Variants in ACOT7 observed in about 807,000 individuals in gnomAD.
ACOT7 encodes the protein acyl-CoA thioesterase 7, also known as cytosolic acyl coenzyme A thioester hydrolase.
In ACOT7, 12 loss-of-function variants were observed where a neutral mutation model predicts 40.2. The ratio of observed to expected loss-of-function variants is 0.30; its 90% CI spans 0.19 to 0.48. ACOT7 has a LOEUF of 0.48. ACOT7 is among the 20% of genes least tolerant of loss of function. The pLI, the probability that ACOT7 is intolerant of heterozygous loss-of-function variation, is 0.99. For synonymous variants in ACOT7, 228 were observed against 219.5 expected, an observed-to-expected ratio of 1.04 and a Z score of -0.34; for missense variants, 395 against 530.8, an observed-to-expected ratio of 0.74 and a Z score of 2.51.
Position 6,334,518 on chromosome 1 carries a change from C to T in ACOT7, c.419-950G>A, listed in dbSNP as rs563920955. On this transcript the variant is annotated intron_variant, in intron 3 of 8. Coordinates refer to ENST00000361521, the MANE Select transcript of ACOT7 (RefSeq NM_007274.4). ...GCAGCGGAGCCAGCTCATCAAGCTC[C>T]ATTTTTGCCACCCCAGGAACTTCCT... 3.3e-5 allele frequency among the ~76,000 whole-genome samples: 5 copies of T among 152,400 alleles called. No individual in the cohort carries two copies. The East Asian group carries it at 9.6e-4, about 29-fold the overall frequency.
intron 5 of ACOT7, among the ~76,000 whole-genome samples, chr1:6,323,737 A>ATATATATAT (rs70981381): frequency 1.6e-4 from 6 of 38,406 alleles, no homozygotes; most frequent in Admixed American, 4.8e-4. Flanking sequence ...AAAAAAAAAA[A>ATATATATAT]ATATATATAT....
At chr1:6,382,158 A>C (rs1225315296) in intron 1 of ACOT7, among the ~76,000 whole-genome samples, 1 of 150,988 alleles carries the variant, frequency 6.6e-6, no homozygotes, top group Non-Finnish European at 1.5e-5. Flanking sequence ...TCACGCGTGT[A>C]ATCCCAACAC....
chr1:6,375,238 G>A (rs1411201759), intron 1 of ACOT7, among the ~76,000 whole-genome samples: 2 of 149,832 alleles, frequency 1.3e-5, no homozygotes, highest in African/African-American at 2.5e-5. Flanking sequence ...ACTCCAGCCT[G>A]GGCGACAGAG....
At chr1:6,393,158 C>CT in intron 1 of ACOT7, 99 bp downstream of exon 1, 1 of 1,162,896 alleles carries the variant, frequency 8.6e-7, no homozygotes, top group East Asian at 3.7e-5. Context: ...CGGGCGGGGG[C>CT]GGCCTCGGCG....
chr1:6,370,821 TTTCTTTTGAGA>T (rs1642119615), intron 1 of ACOT7, among the ~76,000 whole-genome samples: 1 of 150,732 alleles, frequency 6.6e-6, no homozygotes, highest in Non-Finnish European at 1.5e-5. Flanking sequence ...GATTTTTTTT[TTTCTTTTGAGA>T]CAGAGTCTCA....
At chr1:6,270,692 T>C (rs566873625) in intron 8 of ACOT7, among the ~76,000 whole-genome samples, 1 of 152,340 alleles carries the variant, frequency 6.6e-6, no homozygotes, top group Admixed American at 6.5e-5. Context: ...GTGCTTCCTA[T>C]GGTGCCGGTG....
chr1:6,319,141 C>T (rs1313926140), intron 5 of ACOT7, among the ~76,000 whole-genome samples: 2 of 152,154 alleles, frequency 1.3e-5, no homozygotes, highest in Non-Finnish European at 2.9e-5. Context: ...TTTAAGAGGC[C>T]GCACTTAAGA....
intron 4 of ACOT7, among the ~76,000 whole-genome samples, chr1:6,328,592 G>C (rs1640869065): frequency 1.3e-5 from 2 of 152,284 alleles, no homozygotes; most frequent in East Asian, 3.9e-4. Flanking sequence ...TGAGGCAAGG[G>C]AATCGCTTGA....
intron 1 of ACOT7, among the ~76,000 whole-genome samples, chr1:6,379,644 T>A (rs530267300): frequency 6.6e-6 from 1 of 151,602 alleles, no homozygotes; most frequent in Non-Finnish European, 1.5e-5. Context: ...TTTTAATTTG[T>A]AGAGATGGGG....
chr1:6,314,891 C>A (rs1174661307), intron 6 of ACOT7, among the ~76,000 whole-genome samples: 1 of 151,818 alleles, frequency 6.6e-6, no homozygotes, highest in Non-Finnish European at 1.5e-5. Context: ...TCCTCCACAC[C>A]CTCCACGAGC....
intron 6 of ACOT7, among the ~76,000 whole-genome samples, chr1:6,298,031 AG>A (rs1469234211): frequency 6.6e-6 from 1 of 152,180 alleles, no homozygotes; most frequent in Non-Finnish European, 1.5e-5. Context: ...AGGACAGGTG[AG>A]GGGAGGAGGG....
rs1373119390 is a variant in ACOT7, at chr1:6,333,459, G to A, written c.510+18C>T. The stretch of plus-strand genomic sequence containing the variant: ...TCTGCCATCTGCCCCCAAGAGAGAA[G>A]TAGAAAGGGCACCTTACCACAACAG... On this transcript the variant is annotated intron_variant, in intron 4 of 8. Transcript: ENST00000361521. 2 of 1,613,718 alleles carry A rather than the reference G, an allele frequency of 1.2e-6. No individual in the cohort carries two copies. The highest frequency in any genetic ancestry group is 1.1e-5 in the South Asian group (1 of 91,080).
intron 1 of ACOT7, among the ~76,000 whole-genome samples, chr1:6,377,307 G>A (rs980941533): frequency 3.9e-5 from 6 of 151,920 alleles, no homozygotes; most frequent in South Asian, 2.1e-4. Flanking sequence ...AGGCTGAGGC[G>A]GGAAGATCAC....
chr1:6,315,381 C>G (rs561553152), intron 6 of ACOT7, among the ~76,000 whole-genome samples: 1 of 152,188 alleles, frequency 6.6e-6, no homozygotes, highest in African/African-American at 2.4e-5. Context: ...CAGGAAAATA[C>G]GATAAAATCA....
At chr1:6,323,767 TATAG>T (rs1640725336) in intron 5 of ACOT7, among the ~76,000 whole-genome samples, 1 of 131,432 alleles carries the variant, frequency 7.6e-6, no homozygotes, top group Non-Finnish European at 1.6e-5. Flanking sequence ...TATATATATA[TATAG>T]ACAAATTATA....
chr1:6,306,106 G>GC lies in ACOT7; in HGVS notation c.713-11127dup. ...CGGCAGGCTGAGGCAGGAGAATCAG[G>GC]CAGGGAGGTTGCAGTGAGCCAAGAT... On this transcript the variant is annotated intron_variant, in intron 6 of 8. Transcript: ENST00000361521. This position sits in a 1 kb window ranked among gnomAD's most constrained non-coding sequence, Gnocchi z 4.3. 2.6e-6 allele frequency: 1 copy of GC among 384,288 alleles called. No individual in the cohort carries two copies. The highest frequency in any genetic ancestry group is 3.5e-6 in the Non-Finnish European group (1 of 282,152). 23.8% of individuals were successfully genotyped at this position (384,288 alleles called of 1,614,324 possible).
chr1:6,313,583 A>C (rs1640401686), intron 6 of ACOT7, among the ~76,000 whole-genome samples: 1 of 152,110 alleles, frequency 6.6e-6, no homozygotes, highest in Non-Finnish European at 1.5e-5. Context: ...GCACTCACCC[A>C]CCCACAGATG....
chr1:6,282,103 C>T lies in ACOT7; in HGVS notation c.830-817G>A, dbSNP rs887475295. 6.6e-6 allele frequency among the ~76,000 whole-genome samples: 1 copy of T among 152,168 alleles called. No homozygotes were observed. Among genetic ancestry groups the T allele is most frequent in the African/African-American group, 2.4e-5 (1 of 41,434 alleles). ...CCAACCTCTCTGTACGCCCCACGCT[C>T]CCCAGGGCACGACAGTCCATCCTGG... is the stretch of plus-strand genomic sequence containing the variant. On this transcript the variant is annotated intron_variant, in intron 7 of 8. Coordinates refer to ENST00000361521, the MANE Select transcript of ACOT7 (RefSeq NM_007274.4). The surrounding 1 kb of genome is among the most constrained non-coding windows in gnomAD (Gnocchi z 4.5).
At position 6,294,526 on chromosome 1, in the gene ACOT7, T is replaced by C. The variant is rs748784867; in HGVS notation, c.829+338A>G. Among the ~76,000 whole-genome samples, 11 of 152,154 alleles carry C rather than the reference T, an allele frequency of 7.2e-5. No individual in the cohort carries two copies. The highest frequency in any genetic ancestry group is 1.5e-4 in the Non-Finnish European group (10 of 68,028). The stretch of plus-strand genomic sequence containing the variant: ...CATTAATTCCGCTCCCAAAATGAAA[T>C]GTGCTGCCATGAGGTTTGGTGTCCA... On this transcript the variant is annotated intron_variant, in intron 7 of 8. Coordinates refer to ENST00000361521, the MANE Select transcript of ACOT7 (RefSeq NM_007274.4). The surrounding 1 kb of genome is among the most constrained non-coding windows in gnomAD (Gnocchi z 4.6).
Sources: gnomAD v4.1 joint callset for allele counts (sites outside exome capture counted in the v4.1 genomes callset) on GRCh38, gnomAD v4.1.1 for gene constraint, Gnocchi (gnomAD v3.1) non-coding constraint, MANE v1.5 for transcripts, NCBI Gene and HGNC (gene_info 2026-07-23, HGNC 2026-07-21) for gene names.